Variants in FAF1 observed in about 807,000 individuals in gnomAD.
The protein encoded by FAF1 is Fas associated factor 1, also known as FAS-associated factor 1.
In FAF1, 25 loss-of-function variants were observed where a neutral mutation model predicts 92.5. The ratio of observed to expected loss-of-function variants is 0.27; its 90% CI spans 0.20 to 0.38. FAF1 has a LOEUF of 0.38. Ranked by LOEUF, FAF1 falls within the 10% of genes least tolerant of loss-of-function variation. The pLI is 1.00. For synonymous variants in FAF1, 234 were observed against 273.2 expected (o/e 0.86, Z 1.42); for missense variants, 636 against 793.3 (o/e 0.80, Z 2.38).
intron 2 of FAF1, among the ~76,000 whole-genome samples, chr1:50,822,094 T>C (rs1391582940): frequency 1.3e-5 from 2 of 151,144 alleles, no homozygotes; most frequent in African/African-American, 4.9e-5. Context: ...CTAGATCAGA[T>C]CCTAACAGCC....
intron 8 of FAF1, among the ~76,000 whole-genome samples, chr1:50,611,468 T>C (rs1410858522): frequency 6.6e-6 from 1 of 152,136 alleles, no homozygotes. Context: ...TAGTTGGAGG[T>C]AGTTAATATG....
intron 18 of FAF1, among the ~76,000 whole-genome samples, chr1:50,457,907 G>T (rs970231870): frequency 1.3e-5 from 2 of 150,676 alleles, no homozygotes; most frequent in Non-Finnish European, 3.0e-5. Context: ...TTTGGGGAAG[G>T]GTAAATAATT....
intron 4 of FAF1, among the ~76,000 whole-genome samples, chr1:50,765,987 G>T (rs748889415): frequency 1.3e-5 from 2 of 152,106 alleles, no homozygotes; most frequent in Admixed American, 6.5e-5. Context: ...AGCTAGTCGG[G>T]AGGCTGAGGC....
intron 1 of FAF1, among the ~76,000 whole-genome samples, chr1:50,919,721 TC>T (rs1644948160): frequency 6.6e-6 from 1 of 152,128 alleles, no homozygotes. Flanking sequence ...ACTCCTGACC[TC>T]GTGATCCACC....
chr1:50,785,214 T>G (rs1366647384), intron 4 of FAF1, among the ~76,000 whole-genome samples: 2 of 149,596 alleles, frequency 1.3e-5, no homozygotes, highest in African/African-American at 4.9e-5. Flanking sequence ...TTTATAACAC[T>G]GATCTTGGCA....
At chr1:50,725,444 A>G (rs889782521) in intron 6 of FAF1, among the ~76,000 whole-genome samples, 3 of 152,120 alleles carry the variant, frequency 2.0e-5, no homozygotes, top group African/African-American at 7.2e-5. Flanking sequence ...AAGGACAAAA[A>G]CAAAAAGACA....
At chr1:50,672,140 G>A (rs1014669857) in intron 7 of FAF1, among the ~76,000 whole-genome samples, 5 of 151,654 alleles carry the variant, frequency 3.3e-5, no homozygotes, top group Non-Finnish European at 5.9e-5. Flanking sequence ...CTGCCTCCCC[G>A]GTTCAAGGAA....
At chr1:50,621,391 C>CTTTTT (rs36053834) in intron 8 of FAF1, among the ~76,000 whole-genome samples, 46 of 89,230 alleles carry the variant, frequency 5.2e-4, no homozygotes, top group African/African-American at 1.6e-3. Flanking sequence ...TTCTTTTTTT[C>CTTTTT]TTTTTTTTTT....
At chr1:50,627,937 T>A (rs1163752910) in intron 8 of FAF1, among the ~76,000 whole-genome samples, 2 of 152,160 alleles carry the variant, frequency 1.3e-5, no homozygotes, top group Non-Finnish European at 2.9e-5. Flanking sequence ...AAAGCTATTC[T>A]GGTGGAGAAA....
intron 4 of FAF1, among the ~76,000 whole-genome samples, chr1:50,766,471 G>T (rs752051318): frequency 1.3e-5 from 2 of 152,114 alleles, no homozygotes; most frequent in Admixed American, 6.6e-5. Context: ...CTGGGGAAGT[G>T]CTGAAGATGG....
At chr1:50,811,196 A>G (rs2124605554) in intron 2 of FAF1, among the ~76,000 whole-genome samples, 1 of 152,222 alleles carries the variant, frequency 6.6e-6, no homozygotes, top group East Asian at 1.9e-4. Context: ...ATAATTAGCC[A>G]GGCAAGGGAG....
chr1:50,726,941 A>G (rs1028232518), intron 6 of FAF1, among the ~76,000 whole-genome samples: 4 of 152,236 alleles, frequency 2.6e-5, no homozygotes, highest in African/African-American at 7.2e-5. Context: ...TATTATCAAG[A>G]CATTTCTTCA....
At position 50,752,416 on chromosome 1, in the gene FAF1, A is replaced by G. The variant is rs532136617; in HGVS notation, c.368-7641T>C. On this transcript the variant is annotated intron_variant, in intron 4 of 18. Transcript: ENST00000396153. ...TAGAGTTTCATGTAAATTTACCAGC[A>G]TAAGTTTGTTCTTAATATCACCTTA... is the stretch of plus-strand genomic sequence containing the variant. 4.6e-5 allele frequency among the ~76,000 whole-genome samples: 7 copies of G among 152,342 alleles called. No individual in the cohort carries two copies. In the South Asian group the frequency reaches 1.5e-3, roughly 32 times the overall value.
intron 8 of FAF1, among the ~76,000 whole-genome samples, chr1:50,647,552 C>T (rs1487056846): frequency 6.6e-6 from 1 of 152,008 alleles, no homozygotes; most frequent in Non-Finnish European, 1.5e-5. Context: ...TTTCTTTTAA[C>T]AGAGTTGTTC....
intron 6 of FAF1, among the ~76,000 whole-genome samples, chr1:50,728,806 A>G (rs1161029039): frequency 6.7e-6 from 1 of 150,308 alleles, no homozygotes; most frequent in Non-Finnish European, 1.5e-5. Flanking sequence ...AAAAAAAAAG[A>G]AAAGAAAAAG....
At chr1:50,859,625 C>T (rs1644416921) in intron 1 of FAF1, among the ~76,000 whole-genome samples, 1 of 151,808 alleles carries the variant, frequency 6.6e-6, no homozygotes, top group Non-Finnish European at 1.5e-5. Context: ...AAATAAAAAA[C>T]ATTCCATGCT....
intron 13 of FAF1, among the ~76,000 whole-genome samples, chr1:50,547,625 G>T (rs1011275266): frequency 1.3e-5 from 2 of 152,044 alleles, no homozygotes; most frequent in African/African-American, 4.8e-5. Context: ...TGTTGGTCAG[G>T]CTGGTCTCGA....
At chr1:50,688,140 A>AAAAT (rs1173291046) in intron 7 of FAF1, among the ~76,000 whole-genome samples, 1 of 151,890 alleles carries the variant, frequency 6.6e-6, no homozygotes, top group Non-Finnish European at 1.5e-5. Context: ...TATCTCAAAA[A>AAAAT]AAATAAATAA....
chr1:50,584,895 C>T (rs1307430353), intron 9 of FAF1, 84 bp from the exon 10 acceptor site: 1 of 1,228,128 alleles, frequency 8.1e-7, no homozygotes, highest in Non-Finnish European at 1.1e-6. Flanking sequence ...AACAACAGGA[C>T]ATAAGCGTTA....
Sources: gnomAD v4.1 joint callset for allele counts (sites outside exome capture counted in the v4.1 genomes callset) on GRCh38, gnomAD v4.1.1 for gene constraint, MANE v1.5 for transcripts, NCBI Gene and HGNC (gene_info 2026-07-23, HGNC 2026-07-21) for gene names.